The following NEIL3 variants were observed in gnomAD, a reference collection of about 807,000 sequenced individuals.
The protein encoded by NEIL3 is nei like DNA glycosylase 3.
In NEIL3, 48 loss-of-function variants were observed where a neutral mutation model predicts 57.5. The observed-to-expected ratio is 0.83, with a 90% CI of 0.66 to 1.06. NEIL3 has a LOEUF of 1.06. Among genes scored for constraint, NEIL3 ranks in the 50% least tolerant of loss-of-function variants. The pLI is 0.00. For missense variants in NEIL3, 717 were observed against 739.1 expected, an observed-to-expected ratio of 0.97 and a Z score of 0.35; for synonymous variants, 261 against 253.2, an observed-to-expected ratio of 1.03 and a Z score of -0.29.
At chr4:177,354,748 C>T (rs1313396105) in intron 8 of NEIL3, among the ~76,000 whole-genome samples, 1 of 152,126 alleles carries the variant, frequency 6.6e-6, no homozygotes, top group Non-Finnish European at 1.5e-5. Context: ...TTCCAAAGTG[C>T]TGGGATTACA....
rs975108425 is a variant in NEIL3, at chr4:177,362,735, C to T, written c.*264C>T. 3.2e-5 allele frequency: 8 copies of T among 251,424 alleles called. No individual in the cohort carries two copies. Among genetic ancestry groups the T allele is most frequent in the Non-Finnish European group, 4.5e-5 (6 of 133,408 alleles). The allele number at this position is 251,424 out of a possible 1,614,324, so 15.6% of individuals were successfully genotyped here. A position where few individuals can be genotyped will look rare whatever the true frequency, so the allele number is the denominator to read the frequency against. On this transcript the variant is annotated 3_prime_UTR_variant, in exon 10 of 10. Coordinates refer to ENST00000264596, the MANE Select transcript of NEIL3 (RefSeq NM_018248.3). ...GTGTATTTAATGCATTTAGTAATGA[C>T]GATAAAGTGTTTTTAGTATGCTTTT...
chr4:177,349,751 T>C (rs1735312521), intron 6 of NEIL3, among the ~76,000 whole-genome samples: 1 of 152,134 alleles, frequency 6.6e-6, no homozygotes. Context: ...GATTAAGAAA[T>C]AGAGCAGTAA....
chr4:177,339,758 G>A (rs760290656), intron 4 of NEIL3, 25 bp from the exon 5 acceptor site: 8 of 1,522,052 alleles, frequency 5.3e-6, no homozygotes, highest in Non-Finnish European at 7.3e-6. Flanking sequence ...ATGAAACTAG[G>A]CTCTGCTGTT....
chr4:177,331,462 A>G (rs1188857591), intron 2 of NEIL3, among the ~76,000 whole-genome samples: 1 of 151,874 alleles, frequency 6.6e-6, no homozygotes, highest in East Asian at 1.9e-4. Context: ...ACTAATATAT[A>G]ATATAAAATT....
intron 6 of NEIL3, 53 bp from the exon 7 acceptor site, chr4:177,351,327 A>G: frequency 7.7e-7 from 1 of 1,303,656 alleles, no homozygotes; most frequent in Admixed American, 1.9e-5. Context: ...TAAAATATCC[A>G]GACAAGAACA....
chr4:177,362,515 A>ACAC lies in NEIL3; in HGVS notation c.*44_*45insCAC. ...CATTTAGTCTCTTCAAACTGTGTAT[A>ACAC]ATGTTTGGTCCTCCTCTGTTTCATA... On this transcript the variant is annotated 3_prime_UTR_variant, in exon 10 of 10. Transcript: ENST00000264596. 3 of 1,439,434 alleles carry ACAC rather than the reference A, an allele frequency of 2.1e-6. No individual in the cohort carries two copies. The highest frequency in any genetic ancestry group is 1.3e-5 in the South Asian group (1 of 76,236). The allele number at this position is 1,439,434 out of a possible 1,614,324, so 89.2% of individuals were successfully genotyped here.
chr4:177,331,753 C>T (rs1332148524), intron 2 of NEIL3, among the ~76,000 whole-genome samples: 1 of 152,208 alleles, frequency 6.6e-6, no homozygotes, highest in Non-Finnish European at 1.5e-5. Flanking sequence ...CAGAAACAGT[C>T]ATGCCTCTTC....
At chr4:177,358,453 A>AC (rs1735530142) in intron 8 of NEIL3, among the ~76,000 whole-genome samples, 1 of 151,760 alleles carries the variant, frequency 6.6e-6, no homozygotes, top group Non-Finnish European at 1.5e-5. Flanking sequence ...GATTAGAGGC[A>AC]CCCGCCACCA....
intron 2 of NEIL3, among the ~76,000 whole-genome samples, chr4:177,331,044 C>T (rs1187798787): frequency 2.6e-5 from 4 of 151,916 alleles, no homozygotes; most frequent in South Asian, 4.2e-4. Context: ...AAATTTATGT[C>T]GATGAATTCA....
At position 177,325,800 on chromosome 4, in the gene NEIL3, C is replaced by T. The variant is rs561937828; in HGVS notation, c.278+3220C>T. On this transcript the variant is annotated intron_variant, in intron 2 of 9. Transcript: ENST00000264596. ...TATGATTTTAATTTTCTTCTCCCTA[C>T]TAACTAATGATATCTGATGCAATAT... Among the ~76,000 whole-genome samples, 4 of 152,214 alleles carry T rather than the reference C, an allele frequency of 2.6e-5. No homozygotes were observed. The East Asian group carries it at 7.7e-4, about 29-fold the overall frequency.
chr4:177,346,610 C>G (rs932769138), intron 6 of NEIL3, among the ~76,000 whole-genome samples: 38 of 152,166 alleles, frequency 2.5e-4, no homozygotes, highest in Admixed American at 9.2e-4. Context: ...ACCTTTCTGC[C>G]TCTCCTCCCT....
At chr4:177,320,466 CTTTT>C (rs34353849) in intron 1 of NEIL3, among the ~76,000 whole-genome samples, 100 of 77,456 alleles carry the variant, frequency 1.3e-3, no homozygotes, top group Middle Eastern at 8.8e-3. Context: ...TGACTGCTGT[CTTTT>C]TTTTTTTTTT....
At chr4:177,352,208 C>A (rs1384848871) in intron 7 of NEIL3, among the ~76,000 whole-genome samples, 2 of 152,188 alleles carry the variant, frequency 1.3e-5, no homozygotes. Context: ...CTGACTTACG[C>A]ACCCCTGCAT....
At chr4:177,357,648 C>A (rs907703537) in intron 8 of NEIL3, among the ~76,000 whole-genome samples, 1 of 152,120 alleles carries the variant, frequency 6.6e-6, no homozygotes, top group African/African-American at 2.4e-5. Flanking sequence ...GTTCTTGATT[C>A]TAATGACATG....
At position 177,353,659 on chromosome 4, in the gene NEIL3, A is replaced by G. The variant is rs763254889; in HGVS notation, c.1391A>G (p.His464Arg). The change falls in exon 8 of 10, where the codon CAT becomes CGT. Residue 464 changes from histidine (H) to arginine (R), a missense_variant. His to Arg is a conservative substitution (Grantham distance 29). Coordinates refer to ENST00000264596, the MANE Select transcript of NEIL3 (RefSeq NM_018248.3). ...SSESKLFSPA[H>R]KKPKTAQYSS... is the part of the protein sequence containing the mutation. The stretch of plus-strand genomic sequence containing the variant: ...GAATCTAAATTATTTAGTCCAGCAC[A>G]TAAAAAACCGAAAACAGCCCAATAC... 1.9e-6 allele frequency: 3 copies of G among 1,613,988 alleles called. No homozygotes were observed. Among genetic ancestry groups the G allele is most frequent in the Non-Finnish European group, 2.5e-6 (3 of 1,179,890 alleles).
the NEIL3 span, among the ~76,000 whole-genome samples, chr4:177,368,469 T>C: frequency 4.6e-5 from 7 of 152,226 alleles, no homozygotes; most frequent in Non-Finnish European, 2.9e-5. Context: ...AGCACTGATA[T>C]CTTTTCTGGA....
At chr4:177,365,250 T>A (rs1735678390), downstream of NEIL3, among the ~76,000 whole-genome samples, 8 of 152,088 alleles carry the variant, frequency 5.3e-5, no homozygotes, top group Admixed American at 5.2e-4. Context: ...ATGGTCCCAG[T>A]GTGAGCATGT....
chr4:177,340,660 T>A (rs942795948), intron 5 of NEIL3, among the ~76,000 whole-genome samples: 1 of 152,168 alleles, frequency 6.6e-6, no homozygotes, highest in African/African-American at 2.4e-5. Context: ...CATAGAAAAC[T>A]GCCCATTTCC....
rs1735631617 is a variant in NEIL3, at chr4:177,362,633, G to T, written c.*162G>T. The T allele has an allele frequency of 1.9e-6, 1 of 537,476 alleles. No individual in the cohort carries two copies. Among genetic ancestry groups the T allele is most frequent in the African/African-American group, 2.0e-5 (1 of 51,024 alleles). 33.3% of individuals were successfully genotyped at this position (537,476 alleles called of 1,614,324 possible). On this transcript the variant is annotated 3_prime_UTR_variant, in exon 10 of 10. Coordinates refer to ENST00000264596, the MANE Select transcript of NEIL3 (RefSeq NM_018248.3). ...TTCTTGTGTGTGCCATCTTTCCATT[G>T]TTGGCTACGTCTTTTCTTTTGCCTT...
Sources: allele counts gnomAD v4.1 joint callset (sites outside exome capture counted in the v4.1 genomes callset), GRCh38; gene constraint gnomAD v4.1.1; transcripts MANE v1.5; gene names NCBI Gene and HGNC (gene_info 2026-07-23, HGNC 2026-07-21).